CSMD1: variants seen among roughly 807,000 people sequenced by gnomAD.
CSMD1 encodes the protein CUB and sushi domain-containing protein 1.
Under a neutral mutation model 417.5 loss-of-function variants are expected in CSMD1, and 213 were observed. That is an observed-to-expected ratio of 0.51 (90% confidence interval 0.46 to 0.57). The LOEUF (loss-of-function observed/expected upper bound fraction) is 0.57, where lower values mean the gene tolerates loss of function less well. CSMD1 is among the 20% of genes least tolerant of loss of function. The pLI, the probability that CSMD1 is intolerant of heterozygous loss-of-function variation, is 0.00. For missense variants in CSMD1, 6,923 were observed against 4,529.7 expected, an observed-to-expected ratio of 1.53 and a Z score of -15.17; for synonymous variants, 2,862 against 1,736.8, an observed-to-expected ratio of 1.65 and a Z score of -16.11.
intron 26 of CSMD1, among the ~76,000 whole-genome samples, chr8:3,247,948 A>G (rs756241970): frequency 6.6e-6 from 1 of 152,150 alleles, no homozygotes; most frequent in Non-Finnish European, 1.5e-5. Context: ...TCTCAACCCC[A>G]TTACAACCAC....
intron 3 of CSMD1, among the ~76,000 whole-genome samples, chr8:4,340,727 A>C (rs1400826151): frequency 2.0e-5 from 3 of 152,232 alleles, no homozygotes; most frequent in African/African-American, 7.2e-5. Flanking sequence ...CACGTGGAAC[A>C]AACTGAAAAT....
intron 5 of CSMD1, among the ~76,000 whole-genome samples, chr8:3,908,348 A>G (rs917939045): frequency 1.3e-5 from 2 of 152,250 alleles, no homozygotes; most frequent in African/African-American, 4.8e-5. Context: ...TGAATATTTT[A>G]TGCTATTAAT....
At chr8:2,953,808 A>T (rs1399076860) in intron 65 of CSMD1, among the ~76,000 whole-genome samples, 1 of 152,242 alleles carries the variant, frequency 6.6e-6, no homozygotes, top group South Asian at 2.1e-4. Context: ...ATTGGGCTCC[A>T]TGTCTGAACT....
At chr8:4,325,664 G>T (rs895974178) in intron 3 of CSMD1, among the ~76,000 whole-genome samples, 1 of 152,042 alleles carries the variant, frequency 6.6e-6, no homozygotes, top group Non-Finnish European at 1.5e-5. Flanking sequence ...CAACCATCAT[G>T]CTCATCTCTA....
Position 4,614,010 on chromosome 8 carries a change from T to C in CSMD1, c.302+23332A>G, listed in dbSNP as rs147990285. The stretch of plus-strand genomic sequence containing the variant: ...AAGATTTTACATGTCCTAATAAAAA[T>C]TTTAGGACAAACACCCTGAAATACC... On this transcript the variant is annotated intron_variant, in intron 2 of 69. Coordinates refer to ENST00000635120, the MANE Select transcript of CSMD1 (RefSeq NM_033225.6). 3.0e-3 allele frequency among the ~76,000 whole-genome samples: 461 copies of C among 152,216 alleles called. 1 individual carries two copies. Among genetic ancestry groups the C allele is most frequent in the African/African-American group, 0.01 (435 of 41,544 alleles).
intron 23 of CSMD1, among the ~76,000 whole-genome samples, chr8:3,335,599 C>T (rs1025416243): frequency 2.6e-5 from 4 of 152,144 alleles, no homozygotes; most frequent in African/African-American, 7.2e-5. Flanking sequence ...ATCGCTTGAA[C>T]CTGAGAGGTG....
intron 18 of CSMD1, among the ~76,000 whole-genome samples, chr8:3,385,527 G>T (rs1038884981): frequency 6.6e-6 from 1 of 151,756 alleles, no homozygotes; most frequent in Non-Finnish European, 1.5e-5. Flanking sequence ...CATTTGTTAG[G>T]ATCTTCAAAG....
At chr8:4,489,181 G>C (rs955876086) in intron 2 of CSMD1, among the ~76,000 whole-genome samples, 1 of 152,062 alleles carries the variant, frequency 6.6e-6, no homozygotes, top group Non-Finnish European at 1.5e-5. Flanking sequence ...CAAAATGCTG[G>C]GATAACAGGC....
At chr8:4,162,488 C>A (rs1193704423) in intron 3 of CSMD1, among the ~76,000 whole-genome samples, 1 of 152,092 alleles carries the variant, frequency 6.6e-6, no homozygotes, top group East Asian at 1.9e-4. Context: ...GTTTGATGAA[C>A]AGTTTTGATC....
At chr8:4,475,172 T>G (rs1800733147) in intron 2 of CSMD1, among the ~76,000 whole-genome samples, 1 of 152,232 alleles carries the variant, frequency 6.6e-6, no homozygotes, top group Non-Finnish European at 1.5e-5. Flanking sequence ...ATGATTATGG[T>G]TGCCTATAAT....
intron 11 of CSMD1, among the ~76,000 whole-genome samples, chr8:3,479,114 C>T (rs979031918): frequency 6.6e-6 from 1 of 152,042 alleles, no homozygotes; most frequent in African/African-American, 2.4e-5. Flanking sequence ...AGGCACTGAG[C>T]AGATAAAAGT....
intron 10 of CSMD1, among the ~76,000 whole-genome samples, chr8:3,516,916 A>G (rs1797305184): frequency 6.6e-6 from 1 of 152,242 alleles, no homozygotes; most frequent in Admixed American, 6.5e-5. Flanking sequence ...AAATCGTAGA[A>G]CCAACCCAAA....
At chr8:4,388,094 T>TA (rs1803581063) in intron 3 of CSMD1, among the ~76,000 whole-genome samples, 1 of 152,300 alleles carries the variant, frequency 6.6e-6, no homozygotes, top group African/African-American at 2.4e-5. Context: ...AAACCAGGAC[T>TA]AAAGATACAG....
chr8:4,868,678 A>T (rs1405262829), intron 1 of CSMD1, among the ~76,000 whole-genome samples: 1 of 152,098 alleles, frequency 6.6e-6, no homozygotes, highest in African/African-American at 2.4e-5. Context: ...TAAAAACACA[A>T]CTAACAGTAT....
At chr8:4,795,035 G>T (rs1797898227) in intron 1 of CSMD1, among the ~76,000 whole-genome samples, 1 of 151,652 alleles carries the variant, frequency 6.6e-6, no homozygotes, top group African/African-American at 2.4e-5. Flanking sequence ...TGTGGGGGGT[G>T]GGTGGGTGTG....
At chr8:4,711,189 T>C (rs1394233204) in intron 1 of CSMD1, among the ~76,000 whole-genome samples, 1 of 151,868 alleles carries the variant, frequency 6.6e-6, no homozygotes, top group East Asian at 1.9e-4. Context: ...CTTTTATTAC[T>C]CATACTTGGA....
At chr8:4,682,767 T>A (rs1806129477) in intron 1 of CSMD1, among the ~76,000 whole-genome samples, 1 of 151,370 alleles carries the variant, frequency 6.6e-6, no homozygotes, top group African/African-American at 2.4e-5. Context: ...ATAGTTTAAA[T>A]CCTTCAGTAA....
chr8:4,097,402 C>T (rs542451159), intron 3 of CSMD1, among the ~76,000 whole-genome samples: 25 of 152,268 alleles, frequency 1.6e-4, no homozygotes, highest in African/African-American at 5.5e-4. Context: ...ATTAAACAGA[C>T]CACACATGAA....
chr8:4,465,910 G>A (rs1340037355), intron 2 of CSMD1, among the ~76,000 whole-genome samples: 3 of 152,154 alleles, frequency 2.0e-5, no homozygotes, highest in Non-Finnish European at 4.4e-5. Context: ...CAAACTCACA[G>A]CCATAGAAGA....
Sources: gnomAD v4.1 joint callset for allele counts (sites outside exome capture counted in the v4.1 genomes callset) on GRCh38, gnomAD v4.1.1 for gene constraint, MANE v1.5 for transcripts, NCBI Gene and HGNC (gene_info 2026-07-23, HGNC 2026-07-21) for gene names.